SMARCA2: variants seen among roughly 807,000 people sequenced by gnomAD.
SMARCA2 encodes SWI/SNF-related matrix-associated actin-dependent regulator of chromatin subfamily A member 2.
In SMARCA2, 61 loss-of-function variants were observed where a neutral mutation model predicts 199.8. The observed-to-expected ratio is 0.31, with a 90% CI of 0.25 to 0.38. SMARCA2 has a LOEUF of 0.38. Among genes scored for constraint, SMARCA2 ranks in the 10% least tolerant of loss-of-function variants. The pLI is 1.00. For missense variants in SMARCA2, 1,344 were observed against 2,012.2 expected (o/e 0.67, Z 6.35); for synonymous variants, 935 against 732.0 (o/e 1.28, Z -4.48).
chr9:2,182,960 T>C (rs1206665145), intron 31 of SMARCA2, among the ~76,000 whole-genome samples: 1 of 151,718 alleles, frequency 6.6e-6, no homozygotes, highest in African/African-American at 2.4e-5. Context: ...CAGGCAAATT[T>C]TTGTATTTTT....
chr9:2,051,053 C>T (rs951813470), intron 5 of SMARCA2, among the ~76,000 whole-genome samples: 6 of 152,128 alleles, frequency 3.9e-5, no homozygotes, highest in South Asian at 2.1e-4. Context: ...ATCTCTTTAT[C>T]GGACTACCTG....
intron 10 of SMARCA2, among the ~76,000 whole-genome samples, chr9:2,072,252 A>T (rs558801518): frequency 1.3e-5 from 2 of 152,360 alleles, no homozygotes; most frequent in East Asian, 3.9e-4. Flanking sequence ...GAAATAGATA[A>T]CTTGAACCAC....
chr9:2,111,726 C>A (rs1243170056), intron 24 of SMARCA2, among the ~76,000 whole-genome samples: 1 of 151,996 alleles, frequency 6.6e-6, no homozygotes. Context: ...AATATGCATG[C>A]CTGCTTTCTG....
intron 27 of SMARCA2, among the ~76,000 whole-genome samples, chr9:2,156,766 T>G (rs1825387464): frequency 6.6e-6 from 1 of 152,174 alleles, no homozygotes; most frequent in South Asian, 2.1e-4. Flanking sequence ...TTCAGTAACA[T>G]GAAGTACATT....
At position 2,097,489 on chromosome 9, in the gene SMARCA2, G is replaced by A; in HGVS notation, c.3078+18G>A. On this transcript the variant is annotated intron_variant, in intron 21 of 33. Coordinates refer to ENST00000349721, the MANE Select transcript of SMARCA2 (RefSeq NM_003070.5). ...ACATTGAGGTAAGTCTGTATTGTGT[G>A]TTTTGAGCCTGATTGTGCTAATCAT... The A allele has an allele frequency of 2.0e-6, 3 of 1,484,170 alleles. No individual in the cohort carries two copies. Among genetic ancestry groups the A allele is most frequent in the Admixed American group, 1.7e-5 (1 of 58,216 alleles). 91.9% of individuals were successfully genotyped at this position (1,484,170 alleles called of 1,614,324 possible). A position where few individuals can be genotyped will look rare whatever the true frequency, so the allele number is the denominator to read the frequency against.
chr9:2,121,430 T>G (rs1471348458), intron 26 of SMARCA2, among the ~76,000 whole-genome samples: 1 of 152,236 alleles, frequency 6.6e-6, no homozygotes, highest in African/African-American at 2.4e-5. Context: ...TTGGTTTAGT[T>G]TCTTCTAATC....
At position 2,192,517 on chromosome 9, in the gene SMARCA2, A is replaced by G. The variant is rs995203760; in HGVS notation, c.4738-187A>G. On this transcript the variant is annotated intron_variant, in intron 33 of 33. Coordinates refer to ENST00000349721, the MANE Select transcript of SMARCA2 (RefSeq NM_003070.5). ...CTTTGCTTTGGGGTTTTTCAGTAAGAAAAACTTCTCAGCTTAGAGACTGTC... is the reference window on the plus strand; with the variant it reads ...CTTTGCTTTGGGGTTTTTCAGTAAGGAAAACTTCTCAGCTTAGAGACTGTC... 13 of 629,472 alleles carry G rather than the reference A, an allele frequency of 2.1e-5. No individual in the cohort carries two copies. The Admixed American group carries it at 3.8e-4, about 18-fold the overall frequency. 39.0% of individuals were successfully genotyped at this position (629,472 alleles called of 1,614,324 possible). A position where few individuals can be genotyped will look rare whatever the true frequency, so the allele number is the denominator to read the frequency against.
At chr9:2,158,874 C>T in intron 27 of SMARCA2, 1 of 1,487,436 alleles carries the variant, frequency 6.7e-7, no homozygotes, top group Non-Finnish European at 9.2e-7. Flanking sequence ...AATCACAGAA[C>T]ATAAAGCACT....
chr9:2,125,778 C>T (rs982338650), intron 27 of SMARCA2, among the ~76,000 whole-genome samples: 1 of 152,228 alleles, frequency 6.6e-6, no homozygotes, highest in African/African-American at 2.4e-5. Context: ...GCGTGAGCCA[C>T]CGTGCCTGGC....
In SMARCA2 at chr9:2,170,466, G is replaced by GA; in HGVS notation, c.4250dup (p.Asn1417LysfsTer9). The stretch of plus-strand genomic sequence containing the variant: ...AGTAATTCTCAGTTGGAAATAGAAG[G>GA]AAACAGGTCAGGATCTGTCTTGTAT... On this transcript the variant is annotated frameshift_variant, in exon 29 of 34. Transcript: ENST00000349721. LOFTEE classifies it high-confidence loss of function. This position sits in a 1 kb window ranked among gnomAD's most constrained non-coding sequence, Gnocchi z 4.7. The GA allele has an allele frequency of 6.2e-7, 1 of 1,614,096 alleles. No individual in the cohort carries two copies. Among genetic ancestry groups the GA allele is most frequent in the South Asian group, 1.1e-5 (1 of 91,074 alleles).
At chr9:2,083,576 A>G (rs1821662430) in intron 16 of SMARCA2, among the ~76,000 whole-genome samples, 163 bp downstream of exon 16, 1 of 152,260 alleles carries the variant, frequency 6.6e-6, no homozygotes. Flanking sequence ...GATTACTGTA[A>G]TAAACCATAA....
intron 32 of SMARCA2, among the ~76,000 whole-genome samples, chr9:2,188,382 T>C (rs1198989652): frequency 2.0e-5 from 3 of 151,792 alleles, no homozygotes; most frequent in Non-Finnish European, 4.4e-5. Context: ...GCCCTCAACA[T>C]ACATAAGCGA....
intron 9 of SMARCA2, among the ~76,000 whole-genome samples, chr9:2,062,294 G>A (rs563600880): frequency 4.3e-4 from 66 of 152,216 alleles, no homozygotes; most frequent in Non-Finnish European, 8.8e-4. Flanking sequence ...TATTCTGTAA[G>A]TGGACCCCAT....
intron 3 of SMARCA2, among the ~76,000 whole-genome samples, chr9:2,038,937 A>T (rs564629946): frequency 6.6e-5 from 10 of 152,284 alleles, no homozygotes; most frequent in African/African-American, 1.9e-4. Context: ...CCCCATTGAG[A>T]TATATCAGGT....
intron 27 of SMARCA2, among the ~76,000 whole-genome samples, chr9:2,148,654 A>T (rs946299010): frequency 6.6e-6 from 1 of 151,290 alleles, no homozygotes; most frequent in Non-Finnish European, 1.5e-5. Context: ...AGACACACGC[A>T]CATGCCACCA....
At chr9:2,040,163 C>G in intron 4 of SMARCA2, 1 of 690,456 alleles carries the variant, frequency 1.4e-6, no homozygotes, top group East Asian at 2.7e-5. Context: ...ATTTTGCGTT[C>G]TCTTTGAAGC....
chr9:2,105,972 C>T (rs928904517), intron 23 of SMARCA2, among the ~76,000 whole-genome samples: 2 of 152,216 alleles, frequency 1.3e-5, no homozygotes, highest in Non-Finnish European at 2.9e-5. Flanking sequence ...GTTTTCTTGT[C>T]AGCCTGAGAG....
Position 2,039,776 on chromosome 9 carries a change from A to AGCAG in SMARCA2, c.666_667insGCAG (p.Gln223AlafsTer37), listed in dbSNP as rs1819505148. The AGCAG allele has an allele frequency of 5.6e-6, 9 of 1,596,246 alleles. No homozygotes were observed. The African/African-American group carries it at 9.5e-5, about 17-fold the overall frequency. On this transcript the variant is annotated frameshift_variant, in exon 4 of 34. Coordinates refer to ENST00000349721, the MANE Select transcript of SMARCA2 (RefSeq NM_003070.5). LOFTEE classifies it high-confidence loss of function. The surrounding 1 kb of genome is among the most constrained non-coding windows in gnomAD (Gnocchi z 4.8). ...GCTTGCAGCAACAACAGCAGCAGCA[A>AGCAG]CAGCAGCAGCAGCAGCAGCAGCAGC... is the stretch of plus-strand genomic sequence containing the variant.
intron 4 of SMARCA2, chr9:2,044,066 G>C (rs79605324): frequency 2.0e-5 from 3 of 152,178 alleles, no homozygotes; most frequent in Middle Eastern, 3.2e-3. Context: ...GATTTCTGTC[G>C]ATAGAGAGCA....
Sources: allele counts gnomAD v4.1 joint callset (sites outside exome capture counted in the v4.1 genomes callset), GRCh38; gene constraint gnomAD v4.1.1; non-coding constraint Gnocchi (gnomAD v3.1); transcripts MANE v1.5; gene names NCBI Gene and HGNC (gene_info 2026-07-23, HGNC 2026-07-21).